MYRIP: variants seen among roughly 807,000 people sequenced by gnomAD.
MYRIP encodes myosin VIIA and Rab interacting protein.
MYRIP carries 49 observed loss-of-function variants against 98.0 expected under a neutral mutation model. The ratio of observed to expected loss-of-function variants is 0.50; its 90% confidence interval spans 0.40 to 0.63. The LOEUF is 0.63. Ranked by LOEUF, MYRIP falls within the 30% of genes least tolerant of loss-of-function variation. The pLI is 0.00. For synonymous variants in MYRIP, 404 were observed against 409.5 expected (o/e 0.99, Z 0.16); for missense variants, 1,004 against 1,058.2 (o/e 0.95, Z 0.71).
chr3:40,106,192 C>G (rs1011126625), intron 3 of MYRIP, among the ~76,000 whole-genome samples: 1 of 152,002 alleles, frequency 6.6e-6, no homozygotes, highest in African/African-American at 2.4e-5. Flanking sequence ...ACAAAACAAT[C>G]TTGGCACAAT....
At position 40,110,900 on chromosome 3, in the gene MYRIP, G is replaced by C. The variant is rs1949144640; in HGVS notation, c.333-40148G>C. Among the ~76,000 whole-genome samples the C allele has an allele frequency of 4.6e-5, 7 of 150,622 alleles. No homozygotes were observed. In the South Asian group the frequency reaches 1.5e-3, roughly 32 times the overall value. ...TGAAGGGGTGTGTGTGTGTGTGTGT[G>C]TGTGTGTGTGTGTGTGTGTGTGTGT... On this transcript the variant is annotated intron_variant, in intron 3 of 16. Transcript: ENST00000302541.
chr3:40,205,169 G>A (rs763397289), intron 10 of MYRIP, among the ~76,000 whole-genome samples: 1 of 152,106 alleles, frequency 6.6e-6, no homozygotes, highest in Admixed American at 6.5e-5. Flanking sequence ...GAGGTGGGGG[G>A]TCAGAGGTCA....
At chr3:40,137,424 G>A (rs1357659649) in intron 3 of MYRIP, among the ~76,000 whole-genome samples, 1 of 152,198 alleles carries the variant, frequency 6.6e-6, no homozygotes, top group Non-Finnish European at 1.5e-5. Context: ...TCCAGGACCA[G>A]ATGGATTCAC....
At chr3:40,012,559 G>A (rs1407240156) in intron 2 of MYRIP, among the ~76,000 whole-genome samples, 1 of 152,180 alleles carries the variant, frequency 6.6e-6, no homozygotes, top group African/African-American at 2.4e-5. Context: ...CTGTGAGGGA[G>A]TTCCTAAGTC....
At chr3:39,999,194 A>G (rs1383374362) in intron 2 of MYRIP, among the ~76,000 whole-genome samples, 1 of 152,224 alleles carries the variant, frequency 6.6e-6, no homozygotes, top group Non-Finnish European at 1.5e-5. Flanking sequence ...TAATTAAACT[A>G]AAGAGCTTCT....
At chr3:39,908,391 GC>G (rs758991521) in intron 2 of MYRIP, among the ~76,000 whole-genome samples, 21 of 152,022 alleles carry the variant, frequency 1.4e-4, no homozygotes, top group Admixed American at 4.6e-4. Context: ...TGCAGATGTG[GC>G]CCACATCTTC....
chr3:40,225,467 T>G (rs1228186397), intron 11 of MYRIP, among the ~76,000 whole-genome samples: 1 of 152,216 alleles, frequency 6.6e-6, no homozygotes, highest in African/African-American at 2.4e-5. Context: ...GATTGTGCAC[T>G]CAGATTCTGT....
At chr3:40,086,339 A>G (rs1488285307) in intron 3 of MYRIP, among the ~76,000 whole-genome samples, 2 of 152,204 alleles carry the variant, frequency 1.3e-5, no homozygotes, top group Admixed American at 6.5e-5. Flanking sequence ...AAGTAACCTC[A>G]GTTACTCTTG....
chr3:39,982,977 T>C (rs1206659062), intron 2 of MYRIP, among the ~76,000 whole-genome samples: 2 of 152,224 alleles, frequency 1.3e-5, no homozygotes, highest in Non-Finnish European at 2.9e-5. Context: ...AAGAATTTAT[T>C]GTGATAGTAG....
intron 2 of MYRIP, among the ~76,000 whole-genome samples, chr3:39,976,049 G>C (rs1190493938): frequency 1.2e-4 from 19 of 152,172 alleles, no homozygotes; most frequent in Admixed American, 2.6e-4. Flanking sequence ...ATTGACAAAT[G>C]GGTTCTAATT....
intron 10 of MYRIP, among the ~76,000 whole-genome samples, chr3:40,203,973 T>A (rs372855612): frequency 1.2e-4 from 1 of 8,412 alleles, no homozygotes; most frequent in African/African-American, 3.1e-4. Flanking sequence ...ACATTATATA[T>A]ATTATATATA....
At chr3:39,950,139 C>A (rs1944976945) in intron 2 of MYRIP, among the ~76,000 whole-genome samples, 1 of 151,986 alleles carries the variant, frequency 6.6e-6, no homozygotes, top group Admixed American at 6.6e-5. Flanking sequence ...GTATGTTTTT[C>A]AAAAATATGA....
At chr3:39,981,982 A>G (rs1439233836) in intron 2 of MYRIP, among the ~76,000 whole-genome samples, 1 of 152,210 alleles carries the variant, frequency 6.6e-6, no homozygotes, top group Non-Finnish European at 1.5e-5. Flanking sequence ...AAGTCCTAAA[A>G]GAGGAAGTGG....
intron 1 of MYRIP, among the ~76,000 whole-genome samples, chr3:39,828,764 A>G (rs1456645687): frequency 1.3e-5 from 2 of 152,208 alleles, no homozygotes; most frequent in South Asian, 2.1e-4. Flanking sequence ...TTCACTTAGA[A>G]TAATAGTCTC....
chr3:40,167,728 A>G (rs6782193), intron 7 of MYRIP, among the ~76,000 whole-genome samples: 4,368 of 152,244 alleles, frequency 0.029, 196 homozygotes, highest in African/African-American at 0.099. Flanking sequence ...CCTGCTGCAA[A>G]TTTGGGAGTT....
rs145776574 is a variant in MYRIP, at chr3:40,026,539, T to C, written c.111-17511T>C. Among the ~76,000 whole-genome samples, 41 of 152,272 alleles carry C rather than the reference T, an allele frequency of 2.7e-4. No homozygotes were observed. The East Asian group carries it at 7.9e-3, about 29-fold the overall frequency. On this transcript the variant is annotated intron_variant, in intron 2 of 16. Transcript: ENST00000302541. The stretch of plus-strand genomic sequence containing the variant: ...TTAAAGTAAGACAGGCATAAGAAAT[T>C]ATAAGAGTATTATTAGAGAAGTGAT...
chr3:40,202,889 C>G (rs1016651419), intron 10 of MYRIP, among the ~76,000 whole-genome samples: 3 of 149,366 alleles, frequency 2.0e-5, no homozygotes, highest in African/African-American at 7.4e-5. Context: ...ATATCCCCAT[C>G]ACCTCACCTC....
At chr3:39,841,491 C>T (rs978450195) in intron 1 of MYRIP, among the ~76,000 whole-genome samples, 1 of 152,044 alleles carries the variant, frequency 6.6e-6, no homozygotes, top group Non-Finnish European at 1.5e-5. Context: ...AGTTTTGTTC[C>T]CTTGCTGGCG....
intron 10 of MYRIP, among the ~76,000 whole-genome samples, chr3:40,203,967 T>TATATATATTATGTATA: frequency 7.6e-5 from 1 of 13,230 alleles, no homozygotes; most frequent in African/African-American, 3.9e-4. Flanking sequence ...TTATATACAT[T>TATATATATTATGTATA]ATATATATTA....
Sources: gnomAD v4.1 joint callset for allele counts (sites outside exome capture counted in the v4.1 genomes callset) on GRCh38, gnomAD v4.1.1 for gene constraint, MANE v1.5 for transcripts, NCBI Gene and HGNC (gene_info 2026-07-23, HGNC 2026-07-21) for gene names.